Variants in CDH12 observed in about 807,000 individuals in gnomAD.
The protein encoded by CDH12 is cadherin 12, also known as cadherin-12.
In CDH12, 41 loss-of-function variants were observed where a neutral mutation model predicts 74.1. The ratio of observed to expected loss-of-function variants is 0.55; its 90% CI spans 0.43 to 0.72. The LOEUF is 0.72. Ranked by LOEUF, CDH12 falls within the 30% of genes least tolerant of loss-of-function variation. CDH12 has a pLI of 0.00. For synonymous variants in CDH12, 399 were observed against 355.0 expected (o/e 1.12, Z -1.39); for missense variants, 945 against 977.2 (o/e 0.97, Z 0.44).
intron 1 of CDH12, among the ~76,000 whole-genome samples, chr5:22,734,875 A>G (rs1315667169): frequency 6.6e-6 from 1 of 151,982 alleles, no homozygotes; most frequent in Non-Finnish European, 1.5e-5. Flanking sequence ...TGAGAAATTT[A>G]TGTAAATTTA....
chr5:22,206,679 CAAAA>C (rs71609754), intron 4 of CDH12, among the ~76,000 whole-genome samples: 3 of 55,284 alleles, frequency 5.4e-5, no homozygotes, highest in African/African-American at 7.4e-5. Context: ...GATTCCACTG[CAAAA>C]AAAAAAAAAA....
chr5:22,407,812 C>T (rs1478675478), intron 2 of CDH12, among the ~76,000 whole-genome samples: 1 of 152,116 alleles, frequency 6.6e-6, no homozygotes, highest in Non-Finnish European at 1.5e-5. Context: ...AATTACCTGT[C>T]CTTTCTTCGG....
At chr5:22,022,494 A>T (rs1376790740) in intron 5 of CDH12, among the ~76,000 whole-genome samples, 1 of 151,910 alleles carries the variant, frequency 6.6e-6, no homozygotes, top group Admixed American at 6.6e-5. Flanking sequence ...CTTTTTTTTT[A>T]AATTATCCAG....
chr5:22,732,775 T>C (rs1033916782), intron 1 of CDH12, among the ~76,000 whole-genome samples: 9 of 151,742 alleles, frequency 5.9e-5, no homozygotes, highest in African/African-American at 2.2e-4. Context: ...GGGCAGATTC[T>C]TCTTTGCAGT....
At chr5:22,080,341 C>G (rs999303324) in intron 4 of CDH12, among the ~76,000 whole-genome samples, 1 of 151,958 alleles carries the variant, frequency 6.6e-6, no homozygotes, top group Non-Finnish European at 1.5e-5. Flanking sequence ...ATTCACCATA[C>G]TTGAGATAAG....
intron 1 of CDH12, among the ~76,000 whole-genome samples, chr5:22,649,032 A>C (rs1049212329): frequency 6.6e-6 from 1 of 152,022 alleles, no homozygotes; most frequent in African/African-American, 2.4e-5. Flanking sequence ...AAATGTACTG[A>C]ATTACAAAGT....
At position 22,674,271 on chromosome 5, in the gene CDH12, G is replaced by A. The variant is rs113364783; in HGVS notation, c.-522-168907C>T. 7.6e-3 allele frequency among the ~76,000 whole-genome samples: 1,153 copies of A among 152,160 alleles called. 18 individuals are homozygous for A. The highest frequency in any genetic ancestry group is 0.027 in the African/African-American group (1,102 of 41,514). On this transcript the variant is annotated intron_variant, in intron 1 of 14. Transcript: ENST00000382254. ...TGAATCATAGGGGCAGGTCTTTTCCGTGCTGTTCTCATTATAGTGAATAAG... is the reference window on the plus strand; with the variant it reads ...TGAATCATAGGGGCAGGTCTTTTCCATGCTGTTCTCATTATAGTGAATAAG...
intron 5 of CDH12, among the ~76,000 whole-genome samples, chr5:22,077,029 T>C (rs1365559697): frequency 2.0e-5 from 3 of 146,878 alleles, no homozygotes; most frequent in Non-Finnish European, 4.5e-5. Context: ...AGATAGTTCA[T>C]AGTTCTTGCT....
At chr5:22,462,846 C>G (rs1271865342) in intron 2 of CDH12, among the ~76,000 whole-genome samples, 1 of 152,146 alleles carries the variant, frequency 6.6e-6, no homozygotes, top group Non-Finnish European at 1.5e-5. Context: ...AGGAACTCAA[C>G]TCATTGCATA....
In CDH12 at chr5:22,383,091, C is replaced by A. The variant is rs958330052; in HGVS notation, c.-333+22166G>T. On this transcript the variant is annotated intron_variant, in intron 3 of 14. Coordinates refer to ENST00000382254, the MANE Select transcript of CDH12 (RefSeq NM_004061.5). ...AGGTGATCCACCCTCCTCGGCCTCG[C>A]AAAGGCTGGGATTACAGGCGTGAGC... Among the ~76,000 whole-genome samples the A allele has an allele frequency of 2.5e-5, 3 of 121,626 alleles. No individual in the cohort carries two copies. The South Asian group carries it at 7.4e-4, about 30-fold the overall frequency. 79.8% of individuals were successfully genotyped at this position (121,626 alleles called of 152,430 possible). A position where few individuals can be genotyped will look rare whatever the true frequency, so the allele number is the denominator to read the frequency against.
At chr5:21,754,957 G>T (rs974593905) in intron 14 of CDH12, among the ~76,000 whole-genome samples, 2 of 152,142 alleles carry the variant, frequency 1.3e-5, no homozygotes, top group Non-Finnish European at 2.9e-5. Context: ...CAATCATTTT[G>T]CTTTGGAGTG....
intron 1 of CDH12, among the ~76,000 whole-genome samples, chr5:22,515,227 G>C (rs887334174): frequency 1.3e-5 from 2 of 152,050 alleles, no homozygotes; most frequent in African/African-American, 4.8e-5. Context: ...TCCTGTCATT[G>C]AATCGGATTT....
chr5:22,134,074 C>T (rs569929669), intron 4 of CDH12, among the ~76,000 whole-genome samples: 3 of 152,180 alleles, frequency 2.0e-5, no homozygotes, highest in African/African-American at 7.2e-5. Flanking sequence ...TGCTTCAGTT[C>T]AGATAATATT....
intron 1 of CDH12, among the ~76,000 whole-genome samples, chr5:22,574,443 A>G (rs1047165638): frequency 4.6e-5 from 7 of 151,928 alleles, no homozygotes; most frequent in Non-Finnish European, 1.0e-4. Context: ...ACACTGTGCC[A>G]TTTATCTGTT....
At chr5:22,580,277 G>C in intron 1 of CDH12, 1 of 366,564 alleles carries the variant, frequency 2.7e-6, no homozygotes, top group East Asian at 7.8e-5. Context: ...TCAAACATTG[G>C]ATGGCAAAGA....
chr5:22,660,478 C>T (rs938963089), intron 1 of CDH12, among the ~76,000 whole-genome samples: 2 of 152,222 alleles, frequency 1.3e-5, no homozygotes, highest in African/African-American at 4.8e-5. Flanking sequence ...ATTAGCTCCA[C>T]TACATATTCA....
At chr5:22,257,098 C>T (rs865930017) in intron 3 of CDH12, among the ~76,000 whole-genome samples, 5 of 152,166 alleles carry the variant, frequency 3.3e-5, no homozygotes, top group Admixed American at 1.3e-4. Context: ...CACATGTTCT[C>T]ACTTATAAGT....
At chr5:22,750,704 G>A (rs925787715) in intron 1 of CDH12, among the ~76,000 whole-genome samples, 3 of 152,102 alleles carry the variant, frequency 2.0e-5, no homozygotes, top group Admixed American at 1.3e-4. Context: ...CAGTTAAATG[G>A]AGAATTCAGT....
rs566964237 is a variant in CDH12 at position 22,035,633 on chromosome 5, C to T, written c.231+42813G>A. On this transcript the variant is annotated intron_variant, in intron 5 of 14. Coordinates refer to ENST00000382254, the MANE Select transcript of CDH12 (RefSeq NM_004061.5). The stretch of plus-strand genomic sequence containing the variant: ...CATCATCAGGTGTCCTAGAACTGAC[C>T]CCAATTTAGAATGTAATATTGGTGA... Among the ~76,000 whole-genome samples the T allele has an allele frequency of 9.3e-5, 14 of 150,800 alleles. No individual in the cohort carries two copies. In the South Asian group the frequency reaches 3.0e-3, roughly 32 times the overall value.
Sources: allele counts gnomAD v4.1 joint callset (sites outside exome capture counted in the v4.1 genomes callset), GRCh38; gene constraint gnomAD v4.1.1; transcripts MANE v1.5; gene names NCBI Gene and HGNC (gene_info 2026-07-23, HGNC 2026-07-21).